The following DISC1 variants were observed in gnomAD, a reference collection of about 807,000 sequenced individuals.
DISC1 encodes the protein disrupted in schizophrenia 1 protein.
A neutral mutation model predicts 84.5 loss-of-function variants in DISC1; 57 were observed. That is an observed-to-expected ratio of 0.67 (90% CI 0.55 to 0.84). The LOEUF (loss-of-function observed/expected upper bound fraction) is 0.84, where lower values mean the gene tolerates loss of function less well. Among genes scored for constraint, DISC1 ranks in the 40% least tolerant of loss-of-function variants. The pLI, the probability that DISC1 is intolerant of heterozygous loss-of-function variation, is 0.00. For missense variants in DISC1, 1,000 were observed against 1,057.8 expected (o/e 0.95, Z 0.76); for synonymous variants, 411 against 415.2 (o/e 0.99, Z 0.12).
intron 9 of DISC1, among the ~76,000 whole-genome samples, chr1:231,915,403 G>C (rs559044212): frequency 1.3e-5 from 2 of 152,344 alleles, no homozygotes; most frequent in South Asian, 4.1e-4. Flanking sequence ...GCTGCCCAAT[G>C]ACACTCCCAC....
intron 3 of DISC1, among the ~76,000 whole-genome samples, chr1:231,732,923 A>G (rs12125137): frequency 7.6e-5 from 2 of 26,200 alleles, no homozygotes; most frequent in South Asian, 2.0e-3. Context: ...GAACAGTGGC[A>G]GTGGTGGTAG....
chr1:231,730,520 C>T (rs58160737), intron 3 of DISC1, among the ~76,000 whole-genome samples: 1 of 151,990 alleles, frequency 6.6e-6, no homozygotes, highest in African/African-American at 2.4e-5. Context: ...TCTATTGATC[C>T]TGTCACCCCA....
At chr1:231,948,380 T>C (rs1657654399) in intron 9 of DISC1, among the ~76,000 whole-genome samples, 1 of 152,048 alleles carries the variant, frequency 6.6e-6, no homozygotes, top group Admixed American at 6.6e-5. Context: ...CCACATGTTC[T>C]CACTCATAAG....
chr1:231,883,580 A>G (rs74144171), intron 9 of DISC1, among the ~76,000 whole-genome samples: 3,183 of 152,232 alleles, frequency 0.021, 121 homozygotes, highest in African/African-American at 0.071. Context: ...AGGGGCCACT[A>G]TTGGTCTCAG....
At chr1:231,657,725 T>C (rs1054380811) in intron 1 of DISC1, among the ~76,000 whole-genome samples, 36 of 152,218 alleles carry the variant, frequency 2.4e-4, no homozygotes, top group African/African-American at 8.7e-4. Context: ...CAGCACCATT[T>C]ATTAAATATG....
chr1:231,668,454 A>C (rs1269521649), intron 1 of DISC1, among the ~76,000 whole-genome samples: 1 of 152,190 alleles, frequency 6.6e-6, no homozygotes, highest in Non-Finnish European at 1.5e-5. Flanking sequence ...TCAAGCGGCC[A>C]TTCCTGTCCA....
At chr1:231,774,191 T>C (rs1279180180) in intron 6 of DISC1, among the ~76,000 whole-genome samples, 1 of 151,808 alleles carries the variant, frequency 6.6e-6, no homozygotes, top group Non-Finnish European at 1.5e-5. Flanking sequence ...GAGTTCGAGA[T>C]TACAGTGAAC....
intron 8 of DISC1, among the ~76,000 whole-genome samples, chr1:231,812,709 G>T (rs1157958832): frequency 6.6e-6 from 1 of 152,140 alleles, no homozygotes; most frequent in Non-Finnish European, 1.5e-5. Flanking sequence ...TTTAGAAAGG[G>T]CCTGTGAAAG....
chr1:231,843,942 T>G (rs2083266394), intron 9 of DISC1, among the ~76,000 whole-genome samples: 1 of 152,026 alleles, frequency 6.6e-6, no homozygotes, highest in Non-Finnish European at 1.5e-5. Flanking sequence ...ATTAGAGCCG[T>G]GCAGATAGAT....
intron 10 of DISC1, among the ~76,000 whole-genome samples, chr1:231,979,633 A>G (rs188704830): frequency 3.3e-5 from 5 of 151,164 alleles, no homozygotes; most frequent in Non-Finnish European, 5.9e-5. Context: ...GTATGTACAT[A>G]TTTCTCTCTA....
intron 7 of DISC1, among the ~76,000 whole-genome samples, chr1:231,799,299 C>A (rs1184080001): frequency 6.6e-6 from 1 of 151,996 alleles, no homozygotes; most frequent in Non-Finnish European, 1.5e-5. Context: ...TCAAAGTTTC[C>A]CTAAACAGTG....
intron 9 of DISC1, among the ~76,000 whole-genome samples, chr1:231,836,502 A>G (rs1251856722): frequency 6.6e-6 from 1 of 152,218 alleles, no homozygotes; most frequent in African/African-American, 2.4e-5. Flanking sequence ...TATTAAGGCA[A>G]ATATCCTTTT....
At chr1:231,927,320 C>T (rs2090410371) in intron 9 of DISC1, among the ~76,000 whole-genome samples, 1 of 152,182 alleles carries the variant, frequency 6.6e-6, no homozygotes, top group Non-Finnish European at 1.5e-5. Flanking sequence ...CACTAAAAAG[C>T]AGGATCATCA....
At chr1:231,951,243 A>G (rs145331659) in intron 9 of DISC1, among the ~76,000 whole-genome samples, 75 of 152,286 alleles carry the variant, frequency 4.9e-4, no homozygotes, top group Admixed American at 2.8e-3. Context: ...CCACATTCAA[A>G]TGTGGCTATT....
chr1:231,872,122 C>T (rs1177265458), intron 9 of DISC1, among the ~76,000 whole-genome samples: 2 of 152,158 alleles, frequency 1.3e-5, no homozygotes, highest in Admixed American at 6.5e-5. Flanking sequence ...GCATGCAAGG[C>T]GTGGGGATGT....
Position 231,723,967 on chromosome 1 carries a change from G to A in DISC1, c.1117+21943G>A, listed in dbSNP as rs200534864. ...AGTTTGTGATGGTGACTCCAGGAAGGAAACTCACCATGACCCTGTATATAC... is the reference window on the plus strand; with the variant it reads ...AGTTTGTGATGGTGACTCCAGGAAGAAAACTCACCATGACCCTGTATATAC... On this transcript the variant is annotated intron_variant, in intron 3 of 12. Coordinates refer to ENST00000439617, the MANE Select transcript of DISC1 (RefSeq NM_018662.3). 12 of 985,294 alleles carry A rather than the reference G, an allele frequency of 1.2e-5. No individual in the cohort carries two copies. In the East Asian group the frequency reaches 1.1e-3, roughly 93 times the overall value. The allele number at this position is 985,294 out of a possible 1,614,324, so 61.0% of individuals were successfully genotyped here.
chr1:231,738,008 C>T (rs962672625), intron 3 of DISC1, among the ~76,000 whole-genome samples: 1 of 152,164 alleles, frequency 6.6e-6, no homozygotes, highest in African/African-American at 2.4e-5. Context: ...CAGGCATGTG[C>T]CACTGCACCT....
intron 9 of DISC1, among the ~76,000 whole-genome samples, chr1:231,922,403 C>T (rs932645890): frequency 6.6e-6 from 1 of 152,162 alleles, no homozygotes; most frequent in Non-Finnish European, 1.5e-5. Flanking sequence ...ATTTAATCCT[C>T]ACACTGAGCC....
intron 5 of DISC1, 145 bp downstream of exon 5, chr1:231,767,414 A>T: frequency 8.0e-7 from 1 of 1,254,980 alleles, no homozygotes; most frequent in Admixed American, 2.0e-5. Context: ...CTCCCACCTC[A>T]GCCTCCCAAG....
Sources: allele counts gnomAD v4.1 joint callset (sites outside exome capture counted in the v4.1 genomes callset), GRCh38; gene constraint gnomAD v4.1.1; transcripts MANE v1.5; gene names NCBI Gene and HGNC (gene_info 2026-07-23, HGNC 2026-07-21).